Variants in ATL2 observed in about 807,000 individuals in gnomAD.
The protein encoded by ATL2 is atlastin GTPase 2.
Under a neutral mutation model 73.9 loss-of-function variants are expected in ATL2, and 31 were observed. That is an observed-to-expected ratio of 0.42 (90% confidence interval 0.32 to 0.57). The LOEUF (loss-of-function observed/expected upper bound fraction) is 0.57. ATL2 is among the 20% of genes least tolerant of loss of function. The pLI is 0.14. For synonymous variants in ATL2, 291 were observed against 237.5 expected, an observed-to-expected ratio of 1.23 and a Z score of -2.07; for missense variants, 738 against 702.6, an observed-to-expected ratio of 1.05 and a Z score of -0.57.
chr2:38,298,568 C>A lies in ATL2; in HGVS notation c.1208G>T (p.Gly403Val). The A allele has an allele frequency of 1.2e-6, 2 of 1,613,196 alleles. No individual in the cohort carries two copies. Among genetic ancestry groups the A allele is most frequent in the Non-Finnish European group, 1.7e-6 (2 of 1,179,398 alleles). ...TYCKSMEQVCGGDKPYIAPSD... is the reference protein window; with the variant it reads ...TYCKSMEQVCVGDKPYIAPSD... ...AGGTGCAATGTAAGGCTTGTCCCCT[C>A]CACATACCTGGACAGACAGAATTAC... Residue 403 changes from glycine (G) to valine (V), a missense_variant, in exon 12 of 13, where the codon GGA (glycine) becomes GTA (valine). Physicochemically the swap from Gly to Val is moderately radical, Grantham distance 109. Transcript: ENST00000378954.
chr2:38,367,634 C>CT (rs776674384), intron 1 of ATL2, among the ~76,000 whole-genome samples: 8,548 of 95,242 alleles, frequency 0.09, 989 homozygotes, highest in African/African-American at 0.27. Context: ...TTTAAAACAA[C>CT]TTTTTTTTTT....
chr2:38,338,047 T>C (rs980918726), intron 2 of ATL2, among the ~76,000 whole-genome samples: 7 of 152,192 alleles, frequency 4.6e-5, no homozygotes, highest in African/African-American at 1.7e-4. Context: ...GACGTGACAA[T>C]CTAATCAGCA....
intron 1 of ATL2, among the ~76,000 whole-genome samples, chr2:38,353,348 G>A (rs183402011): frequency 2.6e-3 from 393 of 152,240 alleles, no homozygotes; most frequent in Admixed American, 8.7e-3. Context: ...CAGACTGTAG[G>A]TAACAGAAGA....
At chr2:38,357,421 A>T (rs1477500104) in intron 1 of ATL2, among the ~76,000 whole-genome samples, 2 of 151,864 alleles carry the variant, frequency 1.3e-5, no homozygotes. Context: ...CTCAGTCAGA[A>T]ATGTTTCCTA....
intron 9 of ATL2, among the ~76,000 whole-genome samples, chr2:38,306,985 A>T (rs1223819646): frequency 6.6e-6 from 1 of 152,200 alleles, no homozygotes; most frequent in African/African-American, 2.4e-5. Context: ...ACTAGACCCC[A>T]TCTCTAGCCA....
In ATL2 at chr2:38,296,082, T is replaced by TC. The variant is rs1666878316; in HGVS notation, c.1663dup (p.Glu555GlyfsTer18). The TC allele has an allele frequency of 6.4e-7, 1 of 1,551,446 alleles. No individual in the cohort carries two copies. Among genetic ancestry groups the TC allele is most frequent in the African/African-American group, 1.4e-5 (1 of 73,148 alleles). On this transcript the variant is annotated frameshift_variant, in exon 13 of 13. Transcript: ENST00000378954. LOFTEE classifies it high-confidence loss of function. ...TGTTACAGACTGCCTTATGTTTTCC[T>TC]CCATCAAATTATCACCCAGGGGCTT... is the stretch of plus-strand genomic sequence containing the variant.
chr2:38,322,281 C>T (rs1025213224), intron 2 of ATL2, among the ~76,000 whole-genome samples: 5 of 152,048 alleles, frequency 3.3e-5, no homozygotes, highest in Non-Finnish European at 7.4e-5. Context: ...TCTGGTTTTA[C>T]TCTACATTTT....
intron 11 of ATL2, 95 bp from the exon 12 acceptor site, chr2:38,298,670 C>T (rs1667033570): frequency 7.7e-7 from 1 of 1,296,662 alleles, no homozygotes; most frequent in African/African-American, 1.5e-5. Context: ...AGTCAAACCA[C>T]TTACATGATT....
intron 1 of ATL2, among the ~76,000 whole-genome samples, chr2:38,352,705 T>C (rs1281401858): frequency 1.3e-5 from 2 of 151,972 alleles, no homozygotes; most frequent in African/African-American, 4.8e-5. Context: ...CCAGCCAGAG[T>C]GGAAAGAAAC....
In ATL2 at chr2:38,315,249, C is replaced by T. The variant is rs2148429966; in HGVS notation, c.654+35G>A. The stretch of plus-strand genomic sequence containing the variant: ...CTGGGGAACAAGAGCGAAACTCCAT[C>T]TCAAAAAATAAAAATTAAAAAAAGA... On this transcript the variant is annotated intron_variant, in intron 5 of 12. Transcript: ENST00000378954. 6 of 1,447,630 alleles carry T rather than the reference C, an allele frequency of 4.1e-6. No individual in the cohort carries two copies. In the East Asian group the frequency reaches 1.7e-4, roughly 41 times the overall value. 89.7% of individuals were successfully genotyped at this position (1,447,630 alleles called of 1,614,324 possible). A position where few individuals can be genotyped will look rare whatever the true frequency, so the allele number is the denominator to read the frequency against.
intron 2 of ATL2, among the ~76,000 whole-genome samples, chr2:38,334,816 T>A (rs116525886): frequency 0.048 from 4,895 of 101,862 alleles, 113 homozygotes; most frequent in African/African-American, 0.066. Flanking sequence ...ATAGTTTCAA[T>A]AATAATATTC....
At chr2:38,302,322 G>A (rs919976839) in intron 9 of ATL2, among the ~76,000 whole-genome samples, 3 of 135,996 alleles carry the variant, frequency 2.2e-5, no homozygotes, top group African/African-American at 1.1e-4. Flanking sequence ...GGCCAGGTGT[G>A]ATGGCTCACA....
At chr2:38,374,601 G>C (rs115270344) in intron 1 of ATL2, among the ~76,000 whole-genome samples, 4 of 152,326 alleles carry the variant, frequency 2.6e-5, no homozygotes, top group Non-Finnish European at 5.9e-5. Flanking sequence ...CAGCTTTGCT[G>C]ACAATTGTGT....
At chr2:38,324,941 G>C (rs1172814097) in intron 2 of ATL2, among the ~76,000 whole-genome samples, 1 of 152,260 alleles carries the variant, frequency 6.6e-6, no homozygotes, top group Admixed American at 6.5e-5. Flanking sequence ...AGATGAAGCA[G>C]TTCTGGAGAT....
chr2:38,373,617 G>A (rs1020509098), intron 1 of ATL2, among the ~76,000 whole-genome samples: 2 of 152,214 alleles, frequency 1.3e-5, no homozygotes, highest in African/African-American at 4.8e-5. Flanking sequence ...AGTAGGTAGT[G>A]AAGGTGGCTA....
intron 2 of ATL2, among the ~76,000 whole-genome samples, chr2:38,341,182 G>C (rs1289078455): frequency 6.6e-6 from 1 of 152,148 alleles, no homozygotes; most frequent in African/African-American, 2.4e-5. Context: ...AAACAGCTTA[G>C]ACACAGATAG....
chr2:38,337,426 C>A (rs1669425890), intron 2 of ATL2, among the ~76,000 whole-genome samples: 1 of 123,730 alleles, frequency 8.1e-6, no homozygotes, highest in African/African-American at 3.1e-5. Flanking sequence ...GCAGAGGTTG[C>A]AGTGAGCTGA....
chr2:38,343,553 A>T, intron 1 of ATL2, 41 bp from the exon 2 acceptor site: 1 of 1,572,116 alleles, frequency 6.4e-7, no homozygotes, highest in Non-Finnish European at 8.6e-7. Context: ...TTTAATCCCT[A>T]TATTACGAAC....
chr2:38,377,337 G>A, upstream of ATL2: 1 of 1,352,248 alleles, frequency 7.4e-7, no homozygotes, highest in South Asian at 1.4e-5. Context: ...GGAGCCGGCG[G>A]GGTGGCCGGC....
Sources: allele counts gnomAD v4.1 joint callset (sites outside exome capture counted in the v4.1 genomes callset), GRCh38; gene constraint gnomAD v4.1.1; transcripts MANE v1.5; gene names NCBI Gene and HGNC (gene_info 2026-07-23, HGNC 2026-07-21).